SCML4: variants seen among roughly 807,000 people sequenced by gnomAD.
SCML4 encodes the protein Scm polycomb group protein like 4.
SCML4 carries 34 observed loss-of-function variants against 41.1 expected under a neutral mutation model. The ratio of observed to expected loss-of-function variants is 0.83; its 90% CI spans 0.63 to 1.10. The LOEUF (loss-of-function observed/expected upper bound fraction) is 1.10, where lower values mean the gene tolerates loss of function less well. Among genes scored for constraint, SCML4 ranks in the 50% least tolerant of loss-of-function variants. The pLI, the probability that SCML4 is intolerant of heterozygous loss-of-function variation, is 0.00. For synonymous variants in SCML4, 214 were observed against 220.9 expected (o/e 0.97, Z 0.28); for missense variants, 522 against 534.1 (o/e 0.98, Z 0.22).
At chr6:107,777,396 A>C (rs1781046009) in intron 1 of SCML4, among the ~76,000 whole-genome samples, 1 of 152,182 alleles carries the variant, frequency 6.6e-6, no homozygotes, top group East Asian at 1.9e-4. Context: ...GATTACAGGC[A>C]TGAGCTGCCA....
In SCML4 at chr6:107,745,102, G is replaced by T. The variant is rs750199850; in HGVS notation, c.529C>A (p.Pro177Thr). The T allele has an allele frequency of 6.2e-7, 1 of 1,603,940 alleles. No homozygotes were observed. The highest frequency in any genetic ancestry group is 1.1e-5 in the South Asian group (1 of 89,618). Residue 177 changes from proline to threonine, a missense_variant, in exon 5 of 8, where the codon CCT becomes ACT. Coordinates refer to ENST00000369020, the MANE Select transcript of SCML4 (RefSeq NM_198081.5). ...ACATAGCCGATGCTGTTCACCACAGGCAGGCTCCGCAGGTGCTGTTTGCCA... is the reference window on the plus strand; with the variant it reads ...ACATAGCCGATGCTGTTCACCACAGTCAGGCTCCGCAGGTGCTGTTTGCCA... ...FDGKQHLRSLPVVNSIGYVLR... is the reference protein window; with the variant it reads ...FDGKQHLRSLTVVNSIGYVLR...
chr6:107,820,100 G>A (rs1015609430), intron 1 of SCML4, among the ~76,000 whole-genome samples: 2 of 152,222 alleles, frequency 1.3e-5, no homozygotes, highest in Non-Finnish European at 2.9e-5. Context: ...CCATCCGCCT[G>A]AAGGCAGGGA....
chr6:107,775,490 G>A (rs888542854), intron 1 of SCML4, among the ~76,000 whole-genome samples: 12 of 152,128 alleles, frequency 7.9e-5, no homozygotes, highest in African/African-American at 1.4e-4. Context: ...CGCCAGGGCC[G>A]GTTAATTTGT....
chr6:107,794,332 AT>A (rs1196479007), intron 1 of SCML4, among the ~76,000 whole-genome samples: 1 of 152,248 alleles, frequency 6.6e-6, no homozygotes, highest in Non-Finnish European at 1.5e-5. Context: ...ATAAATTCAT[AT>A]CCTGGAATAT....
the SCML4 span, among the ~76,000 whole-genome samples, chr6:107,842,134 A>G: frequency 6.6e-6 from 1 of 152,022 alleles, no homozygotes; most frequent in Non-Finnish European, 1.5e-5. Flanking sequence ...TATTTTGTTC[A>G]CAGTATTTTT....
chr6:107,738,146 T>A (rs1054573760), intron 5 of SCML4, among the ~76,000 whole-genome samples: 1 of 152,224 alleles, frequency 6.6e-6, no homozygotes, highest in African/African-American at 2.4e-5. Context: ...ACCAGTGTTA[T>A]CAAATCCATC....
In SCML4 at chr6:107,755,512, G is replaced by A. The variant is rs1206298866; in HGVS notation, c.157-5699C>T. On this transcript the variant is annotated intron_variant, in intron 2 of 7. Transcript: ENST00000369020. ...CTAAAAAAGAAGAGCACGGATATGA[G>A]CCCACTGGCTAGAAGCTTTGCTCTA... is the stretch of plus-strand genomic sequence containing the variant. 7.6e-6 allele frequency: 6 copies of A among 793,808 alleles called. No homozygotes were observed. The East Asian group carries it at 2.1e-4, about 28-fold the overall frequency. 49.2% of individuals were successfully genotyped at this position (793,808 alleles called of 1,614,324 possible). A position where few individuals can be genotyped will look rare whatever the true frequency, so the allele number is the denominator to read the frequency against.
chr6:107,841,803 T>C, the SCML4 span, among the ~76,000 whole-genome samples: 149,215 of 152,298 alleles, frequency 0.98, 73,176 homozygotes, highest in Middle Eastern at 1. Flanking sequence ...CCTCCAAGTC[T>C]GACCTGTGTA....
intron 2 of SCML4, chr6:107,755,544 T>C: frequency 8.3e-7 from 1 of 1,204,692 alleles, no homozygotes; most frequent in Non-Finnish European, 1.1e-6. Flanking sequence ...TCTAGTGTGA[T>C]GCAGGGCCCA....
At chr6:107,840,628 T>C in the SCML4 span, among the ~76,000 whole-genome samples, 2 of 152,208 alleles carry the variant, frequency 1.3e-5, no homozygotes, top group African/African-American at 2.4e-5. Context: ...AAGTAAAATA[T>C]GTATATGTTA....
At chr6:107,832,823 A>T in the SCML4 span, among the ~76,000 whole-genome samples, 2 of 152,178 alleles carry the variant, frequency 1.3e-5, no homozygotes, top group Admixed American at 6.5e-5. Context: ...CGCGCCGCAC[A>T]TGTGACCTCC....
At chr6:107,766,484 A>G (rs1268427368) in intron 2 of SCML4, among the ~76,000 whole-genome samples, 1 of 152,216 alleles carries the variant, frequency 6.6e-6, no homozygotes, top group Non-Finnish European at 1.5e-5. Context: ...CAGATAAAAA[A>G]CAAAACTATT....
chr6:107,741,917 C>T (rs926429798), intron 5 of SCML4, among the ~76,000 whole-genome samples: 11 of 152,216 alleles, frequency 7.2e-5, no homozygotes, highest in Non-Finnish European at 1.0e-4. Flanking sequence ...AAACCGTGAT[C>T]TCCCTAAATG....
At chr6:107,801,606 C>T (rs1379743327) in intron 1 of SCML4, among the ~76,000 whole-genome samples, 1 of 152,210 alleles carries the variant, frequency 6.6e-6, no homozygotes, top group Non-Finnish European at 1.5e-5. Context: ...ATGTCTTTCA[C>T]ATCCTTCTAC....
intron 1 of SCML4, among the ~76,000 whole-genome samples, chr6:107,796,838 T>C (rs1012037093): frequency 1.1e-4 from 17 of 152,166 alleles, no homozygotes; most frequent in African/African-American, 4.1e-4. Flanking sequence ...CAATAATTCA[T>C]GGTAATTATT....
intron 1 of SCML4, among the ~76,000 whole-genome samples, chr6:107,810,356 G>A (rs978638859): frequency 6.6e-6 from 1 of 152,196 alleles, no homozygotes; most frequent in African/African-American, 2.4e-5. Flanking sequence ...TCCTAGGCAG[G>A]TTTGTTTGCT....
chr6:107,822,393 G>A (rs116132306), intron 1 of SCML4, among the ~76,000 whole-genome samples: 3,230 of 151,930 alleles, frequency 0.021, 111 homozygotes, highest in African/African-American at 0.074. Context: ...GATTTCCCTC[G>A]CCTCGAAAAC....
At chr6:107,736,978 G>A (rs1777134964) in intron 5 of SCML4, among the ~76,000 whole-genome samples, 1 of 152,222 alleles carries the variant, frequency 6.6e-6, no homozygotes, top group Non-Finnish European at 1.5e-5. Context: ...TCAAAAGGCA[G>A]GAAACCAGCA....
intron 1 of SCML4, among the ~76,000 whole-genome samples, chr6:107,815,077 C>T (rs1443664679): frequency 6.6e-6 from 1 of 152,196 alleles, no homozygotes; most frequent in Non-Finnish European, 1.5e-5. Flanking sequence ...ACTGGCAAAA[C>T]AGAACCATCT....
Sources: allele counts gnomAD v4.1 joint callset (sites outside exome capture counted in the v4.1 genomes callset), GRCh38; gene constraint gnomAD v4.1.1; transcripts MANE v1.5; gene names NCBI Gene and HGNC (gene_info 2026-07-23, HGNC 2026-07-21).